The following RUNX1 variants were observed in gnomAD, a reference collection of about 807,000 sequenced individuals.
The protein encoded by RUNX1 is RUNX family transcription factor 1.
In RUNX1, 19 loss-of-function variants were observed where a neutral mutation model predicts 42.8. The observed-to-expected ratio is 0.44, with a 90% confidence interval of 0.31 to 0.65. The LOEUF is 0.65. Ranked by LOEUF, RUNX1 falls within the 30% of genes least tolerant of loss-of-function variation. RUNX1 has a pLI of 0.07. For missense variants in RUNX1, 528 were observed against 672.0 expected, an observed-to-expected ratio of 0.79 and a Z score of 2.37; for synonymous variants, 271 against 289.4, an observed-to-expected ratio of 0.94 and a Z score of 0.64.
chr21:34,822,398 G>A (rs2056921049), intron 7 of RUNX1, among the ~76,000 whole-genome samples: 2 of 152,184 alleles, frequency 1.3e-5, no homozygotes, highest in Admixed American at 1.3e-4. Context: ...GTAAACATGT[G>A]AACCAGGCAA....
At chr21:35,024,182 G>A (rs976132632) in intron 2 of RUNX1, among the ~76,000 whole-genome samples, 15 of 152,114 alleles carry the variant, frequency 9.9e-5, no homozygotes, top group Non-Finnish European at 1.9e-4. Flanking sequence ...GCTCTTCAAG[G>A]GAAAGAGTAG....
Position 34,791,915 on chromosome 21 carries a change from G to A in RUNX1, c.*220C>T. On this transcript the variant is annotated 3_prime_UTR_variant, in exon 9 of 9. Coordinates refer to ENST00000675419, the MANE Select transcript of RUNX1 (RefSeq NM_001754.5). The stretch of plus-strand genomic sequence containing the variant: ...CGTCGCCTCGGACACCTCCGCGAGG[G>A]CCGGGGCGCCAGCAGACGGCGGCGG... 1 of 306,616 alleles carries A rather than the reference G, an allele frequency of 3.3e-6. No homozygotes were observed. The highest frequency in any genetic ancestry group is 6.2e-6 in the Non-Finnish European group (1 of 161,954). 19.0% of individuals were successfully genotyped at this position (306,616 alleles called of 1,614,324 possible).
intron 2 of RUNX1, among the ~76,000 whole-genome samples, chr21:34,999,277 AC>A (rs1244200398): frequency 6.6e-6 from 1 of 152,244 alleles, no homozygotes; most frequent in East Asian, 1.9e-4. Flanking sequence ...CCAGCATAAC[AC>A]GTTGTTAGCA....
At chr21:34,794,542 G>A (rs991187961) in intron 8 of RUNX1, among the ~76,000 whole-genome samples, 3 of 152,178 alleles carry the variant, frequency 2.0e-5, no homozygotes, top group African/African-American at 7.2e-5. Flanking sequence ...AAATTGTAAA[G>A]CTTTGTCTCT....
intron 2 of RUNX1, among the ~76,000 whole-genome samples, chr21:34,993,818 CAT>C (rs1392434054): frequency 6.0e-5 from 9 of 150,574 alleles, no homozygotes; most frequent in African/African-American, 1.7e-4. Context: ...CACACACACA[CAT>C]ACACAGACAC....
At chr21:34,876,826 G>A (rs2057820743) in intron 5 of RUNX1, among the ~76,000 whole-genome samples, 1 of 151,902 alleles carries the variant, frequency 6.6e-6, no homozygotes, top group Non-Finnish European at 1.5e-5. Flanking sequence ...CTGGGATGAA[G>A]CAGTCACAGA....
At chr21:34,846,194 C>CTTTTTTTTTTTT (rs5843687) in intron 6 of RUNX1, among the ~76,000 whole-genome samples, 14 of 102,264 alleles carry the variant, frequency 1.4e-4, no homozygotes, top group African/African-American at 4.2e-4. Flanking sequence ...TTAAGGATGT[C>CTTTTTTTTTTTT]TTTTTTTTTT....
At chr21:34,827,441 C>T (rs1396653046) in intron 7 of RUNX1, among the ~76,000 whole-genome samples, 1 of 152,174 alleles carries the variant, frequency 6.6e-6, no homozygotes, top group African/African-American at 2.4e-5. Flanking sequence ...GAAGAGAGTA[C>T]TAAGGGTGTG....
intron 6 of RUNX1, among the ~76,000 whole-genome samples, chr21:34,853,116 G>C (rs945081214): frequency 6.6e-6 from 1 of 152,144 alleles, no homozygotes; most frequent in South Asian, 2.1e-4. Flanking sequence ...CGGAAGAAGA[G>C]GTCTATGTTG....
Position 34,817,726 on chromosome 21 carries a change from C to T in RUNX1, c.805+16684G>A, listed in dbSNP as rs117900226. Among the ~76,000 whole-genome samples the T allele has an allele frequency of 1.9e-3, 289 of 152,278 alleles. 1 individual carries two copies. In the South Asian group the frequency reaches 0.032, roughly 17 times the overall value. On this transcript the variant is annotated intron_variant, in intron 7 of 8. Transcript: ENST00000675419. ...TGGTTTTTGATAACTCTGGGAAGCT[C>T]TTTTCCTGACTCCTACACTATGGGC...
At chr21:34,920,443 T>G (rs1569105218) in intron 2 of RUNX1, among the ~76,000 whole-genome samples, 1 of 152,170 alleles carries the variant, frequency 6.6e-6, no homozygotes, top group Admixed American at 6.6e-5. Context: ...CACCATGAAA[T>G]TTACCAGTTT....
At chr21:34,852,415 A>G (rs561661660) in intron 6 of RUNX1, among the ~76,000 whole-genome samples, 1 of 152,180 alleles carries the variant, frequency 6.6e-6, no homozygotes, top group African/African-American at 2.4e-5. Context: ...GGAAGTCTGT[A>G]TGCATGTAAA....
chr21:34,818,419 C>G (rs2056862182), intron 7 of RUNX1, among the ~76,000 whole-genome samples: 1 of 152,136 alleles, frequency 6.6e-6, no homozygotes, highest in Admixed American at 6.5e-5. Context: ...GCAGCTGACC[C>G]CAGCATTTCC....
intron 2 of RUNX1, among the ~76,000 whole-genome samples, chr21:34,969,024 G>T (rs544782779): frequency 2.6e-5 from 4 of 152,104 alleles, no homozygotes; most frequent in Non-Finnish European, 5.9e-5. Flanking sequence ...TATAAGTCAG[G>T]CTTTTCCTAT....
chr21:35,010,347 A>T lies in RUNX1; in HGVS notation c.58+38495T>A, dbSNP rs549481623. ...ATCCATCAATTACACTCCTTTTTTTAAAAAAAAATCTGGTCTTCTGCCTTA... is the reference window on the plus strand; with the variant it reads ...ATCCATCAATTACACTCCTTTTTTTTAAAAAAAATCTGGTCTTCTGCCTTA... On this transcript the variant is annotated intron_variant, in intron 2 of 8. Coordinates refer to ENST00000675419, the MANE Select transcript of RUNX1 (RefSeq NM_001754.5). 1.8e-3 allele frequency among the ~76,000 whole-genome samples: 279 copies of T among 151,486 alleles called. 1 individual carries two copies. The highest frequency in any genetic ancestry group is 5.4e-3 in the African/African-American group (223 of 41,362).
chr21:34,849,350 GTATATATAATATATTATATATACTAT>G lies in RUNX1; in HGVS notation c.613+10098_613+10123del. 1.3e-3 allele frequency among the ~76,000 whole-genome samples: 40 copies of G among 29,938 alleles called. 12 individuals are homozygous for G. Among genetic ancestry groups the G allele is most frequent in the African/African-American group, 4.1e-3 (37 of 9,028 alleles). The allele number at this position is 29,938 out of a possible 152,430, so 19.6% of individuals were successfully genotyped here. ...ATATATACTATATATATTATATATA[GTATATATAATATATTATATATACTAT>G]ATACATAGTATATATAATATATTAT... On this transcript the variant is annotated intron_variant, in intron 6 of 8. Coordinates refer to ENST00000675419, the MANE Select transcript of RUNX1 (RefSeq NM_001754.5).
At chr21:34,960,545 T>C (rs1052023700) in intron 2 of RUNX1, among the ~76,000 whole-genome samples, 5 of 152,236 alleles carry the variant, frequency 3.3e-5, no homozygotes, top group African/African-American at 1.2e-4. Flanking sequence ...GTCAGTGTTA[T>C]AAATGTAAAC....
At chr21:34,922,721 T>A (rs1451733358) in intron 2 of RUNX1, among the ~76,000 whole-genome samples, 1 of 152,186 alleles carries the variant, frequency 6.6e-6, no homozygotes, top group East Asian at 1.9e-4. Flanking sequence ...TGTTCCCTCA[T>A]CTCTTCCTCA....
In RUNX1 at chr21:34,792,937, G is replaced by T. The variant is rs2056469831; in HGVS notation, c.968-327C>A. Among the ~76,000 whole-genome samples the T allele has an allele frequency of 6.9e-6, 1 of 144,614 alleles. No homozygotes were observed. The highest frequency in any genetic ancestry group is 1.5e-5 in the Non-Finnish European group (1 of 65,698). 94.9% of individuals were successfully genotyped at this position (144,614 alleles called of 152,430 possible). A position where few individuals can be genotyped will look rare whatever the true frequency, so the allele number is the denominator to read the frequency against. ...CAGGAGGTCGGGGACCACTCAGGAT[G>T]CCACCTCCTGAGAGGACGGAGACCA... On this transcript the variant is annotated intron_variant, in intron 8 of 8. Coordinates refer to ENST00000675419, the MANE Select transcript of RUNX1 (RefSeq NM_001754.5). The surrounding 1 kb of genome is among the most constrained non-coding windows in gnomAD (Gnocchi z 6.9).
Sources: allele counts gnomAD v4.1 joint callset (sites outside exome capture counted in the v4.1 genomes callset), GRCh38; gene constraint gnomAD v4.1.1; non-coding constraint Gnocchi (gnomAD v3.1); transcripts MANE v1.5; gene names NCBI Gene and HGNC (gene_info 2026-07-23, HGNC 2026-07-21).